The following TMCC1 variants were observed in gnomAD, a reference collection of about 807,000 sequenced individuals.
The protein encoded by TMCC1 is transmembrane and coiled-coil domains protein 1.
A neutral mutation model predicts 52.4 loss-of-function variants in TMCC1; 15 were observed. That is an observed-to-expected ratio of 0.29 (90% confidence interval 0.19 to 0.44). The LOEUF (loss-of-function observed/expected upper bound fraction) is 0.44, where lower values mean the gene tolerates loss of function less well. TMCC1 is among the 20% of genes least tolerant of loss of function. TMCC1 has a pLI of 1.00. For missense variants in TMCC1, 503 were observed against 806.0 expected, an observed-to-expected ratio of 0.62 and a Z score of 4.55; for synonymous variants, 279 against 301.9, an observed-to-expected ratio of 0.92 and a Z score of 0.79.
chr3:129,797,986 C>CTTTTTTTTTTTT (rs11417298), intron 4 of TMCC1, among the ~76,000 whole-genome samples: 1 of 136,662 alleles, frequency 7.3e-6, no homozygotes, highest in Non-Finnish European at 1.5e-5. Flanking sequence ...AGTTGTGTGC[C>CTTTTTTTTTTTT]TTTTTTTTTT....
intron 4 of TMCC1, among the ~76,000 whole-genome samples, chr3:129,738,088 C>T (rs534981115): frequency 2.0e-5 from 3 of 151,690 alleles, no homozygotes; most frequent in Non-Finnish European, 2.9e-5. Flanking sequence ...CTGGCCAACA[C>T]GGCAAAACCC....
chr3:129,719,813 T>C (rs770670229), intron 4 of TMCC1, among the ~76,000 whole-genome samples: 1 of 152,114 alleles, frequency 6.6e-6, no homozygotes. Context: ...TTCTTTATGG[T>C]AGATTAATAG....
rs554513840 is a variant in TMCC1 at position 129,782,967 on chromosome 3, C to T, written c.576+44836G>A. Among the ~76,000 whole-genome samples, 8 of 152,248 alleles carry T rather than the reference C, an allele frequency of 5.3e-5. No homozygotes were observed. In the South Asian group the frequency reaches 1.7e-3, roughly 32 times the overall value. Reference sequence around the variant, plus strand: ...GGAGACTTTCATATAGACTGCATCCCTTAAGAAAAGCTATTTTACAGTAGC... The same window carrying T: ...GGAGACTTTCATATAGACTGCATCCTTTAAGAAAAGCTATTTTACAGTAGC... On this transcript the variant is annotated intron_variant, in intron 4 of 6. Coordinates refer to ENST00000393238, the MANE Select transcript of TMCC1 (RefSeq NM_001017395.5).
chr3:129,860,498 A>G (rs1456488456), intron 2 of TMCC1, among the ~76,000 whole-genome samples: 3 of 152,230 alleles, frequency 2.0e-5, no homozygotes, highest in African/African-American at 4.8e-5. Context: ...CTGAGTCTAC[A>G]GTGTACATCA....
Position 129,827,985 on chromosome 3 carries a change from T to C in TMCC1, c.394A>G (p.Lys132Glu). Residue 132 changes from lysine (K) to glutamate (E), a missense_variant, in exon 4 of 7, where the codon AAG (lysine) becomes GAG (glutamate). Around this residue, in one of 7 missense-constraint regions of TMCC1, gnomAD observed 217 missense variants for 297.9 expected, o/e 0.73. Coordinates refer to ENST00000393238, the MANE Select transcript of TMCC1 (RefSeq NM_001017395.5). ...HSRRGKPEAP[K>E]GSPQINRKSG... ...TTCCTGTTGATTTGGGGACTTCCCT[T>C]TGGGGCCTCTGGCTTGCCCCGCCTA... is the stretch of plus-strand genomic sequence containing the variant. 5 of 1,614,160 alleles carry C rather than the reference T, an allele frequency of 3.1e-6. No individual in the cohort carries two copies. Among genetic ancestry groups the C allele is most frequent in the Non-Finnish European group, 3.4e-6 (4 of 1,180,010 alleles).
At chr3:129,726,734 C>T (rs1291031220) in intron 4 of TMCC1, among the ~76,000 whole-genome samples, 1 of 150,964 alleles carries the variant, frequency 6.6e-6, no homozygotes, top group Non-Finnish European at 1.5e-5. Flanking sequence ...CAAAAATTAG[C>T]TGGGTGAGGT....
Position 129,842,420 on chromosome 3 carries a change from C to T in TMCC1, c.-183-9594G>A, listed in dbSNP as rs556596371. ...GGTAGAAGTTGCAGTGAGCAGAGAT[C>T]GTGCCACTGTATTCCAGCCTGGGTG... On this transcript the variant is annotated intron_variant, in intron 2 of 6. Transcript: ENST00000393238. Among the ~76,000 whole-genome samples, 7 of 151,720 alleles carry T rather than the reference C, an allele frequency of 4.6e-5. No individual in the cohort carries two copies. The East Asian group carries it at 5.8e-4, about 13-fold the overall frequency.
rs114473243 is a variant in TMCC1 at position 129,826,903 on chromosome 3, C to T, written c.576+900G>A. Among the ~76,000 whole-genome samples, 367 of 152,242 alleles carry T rather than the reference C, an allele frequency of 2.4e-3. 3 individuals are homozygous for T. The highest frequency in any genetic ancestry group is 8.1e-3 in the African/African-American group (338 of 41,560). On this transcript the variant is annotated intron_variant, in intron 4 of 6. Transcript: ENST00000393238. Reference sequence around the variant, plus strand: ...TTGAATGGTAACTTACAAGGCAGACCTAGCCCACAAATGTGTTCAGTGTGG... The same window carrying T: ...TTGAATGGTAACTTACAAGGCAGACTTAGCCCACAAATGTGTTCAGTGTGG...
At chr3:129,825,111 C>A (rs950683374) in intron 4 of TMCC1, among the ~76,000 whole-genome samples, 9 of 152,182 alleles carry the variant, frequency 5.9e-5, no homozygotes, top group African/African-American at 2.2e-4. Context: ...TTCCACCTAC[C>A]AATCCTCACC....
At chr3:129,841,153 C>T (rs2059407024) in intron 2 of TMCC1, among the ~76,000 whole-genome samples, 2 of 152,198 alleles carry the variant, frequency 1.3e-5, no homozygotes, top group South Asian at 4.1e-4. Context: ...CTTGCTATGC[C>T]TTAGCAAACA....
chr3:129,764,250 A>G (rs1313601590), intron 4 of TMCC1, among the ~76,000 whole-genome samples: 1 of 152,238 alleles, frequency 6.6e-6, no homozygotes, highest in East Asian at 1.9e-4. Context: ...TCTACTAATG[A>G]TCAGTGGATA....
rs377654283 is a variant in TMCC1, at chr3:129,705,143, G to A, written c.577-33879C>T. On this transcript the variant is annotated intron_variant, in intron 4 of 6. Transcript: ENST00000393238. ...ACGAGTGCTGTGCAAATGGCATCAG[G>A]GTACTAGAGGCATTATTCCTACCCT... 4.3e-4 allele frequency among the ~76,000 whole-genome samples: 66 copies of A among 152,252 alleles called. 1 individual carries two copies. The South Asian group carries it at 0.011, about 24-fold the overall frequency.
At chr3:129,710,414 C>T (rs1329171335) in intron 4 of TMCC1, among the ~76,000 whole-genome samples, 1 of 152,214 alleles carries the variant, frequency 6.6e-6, no homozygotes, top group South Asian at 2.1e-4. Flanking sequence ...GATTCTGCCT[C>T]GGACTCCCAA....
In TMCC1 at chr3:129,733,088, T is replaced by C. The variant is rs114971174; in HGVS notation, c.577-61824A>G. Among the ~76,000 whole-genome samples, 9 of 152,340 alleles carry C rather than the reference T, an allele frequency of 5.9e-5. 1 individual carries two copies. Among genetic ancestry groups the C allele is most frequent in the Non-Finnish European group, 1.3e-4 (9 of 68,030 alleles). On this transcript the variant is annotated intron_variant, in intron 4 of 6. Coordinates refer to ENST00000393238, the MANE Select transcript of TMCC1 (RefSeq NM_001017395.5). ...TTAGTGCAACTTTTAAGATACGTCT[T>C]TTGGAGTCCTCAAATAGTTGCTCTA...
chr3:129,883,346 C>T (rs1028721301), intron 1 of TMCC1, among the ~76,000 whole-genome samples: 1 of 136,622 alleles, frequency 7.3e-6, no homozygotes, highest in Non-Finnish European at 1.6e-5. Flanking sequence ...GGTGTGTTGA[C>T]TCATGCCTGT....
At chr3:129,711,884 C>T (rs1412739144) in intron 4 of TMCC1, among the ~76,000 whole-genome samples, 1 of 149,758 alleles carries the variant, frequency 6.7e-6, no homozygotes, top group African/African-American at 2.5e-5. Context: ...CATCTATAAT[C>T]CCAGCTACTA....
chr3:129,826,039 C>CT (rs2058643572), intron 4 of TMCC1, among the ~76,000 whole-genome samples: 1 of 152,112 alleles, frequency 6.6e-6, no homozygotes, highest in Admixed American at 6.6e-5. Flanking sequence ...TTTACTTACA[C>CT]TTTTTCTTTT....
chr3:129,879,916 G>A (rs11716537), intron 2 of TMCC1, among the ~76,000 whole-genome samples: 5 of 152,160 alleles, frequency 3.3e-5, no homozygotes, highest in African/African-American at 9.7e-5. Flanking sequence ...GCTCACACCT[G>A]TAATCCCAGC....
chr3:129,738,721 G>A (rs536366186), intron 4 of TMCC1, among the ~76,000 whole-genome samples: 25 of 152,178 alleles, frequency 1.6e-4, no homozygotes, highest in Middle Eastern at 6.8e-3. Flanking sequence ...TTTCATTGGC[G>A]ATTAAAAAAA....
Sources: gnomAD v4.1 joint callset for allele counts (sites outside exome capture counted in the v4.1 genomes callset) on GRCh38, gnomAD v4.1.1 for gene constraint, gnomAD v4.1.1 regional missense constraint, MANE v1.5 for transcripts, NCBI Gene and HGNC (gene_info 2026-07-23, HGNC 2026-07-21) for gene names.